TNFSF14: variants seen among roughly 807,000 people sequenced by gnomAD.
TNFSF14 encodes the protein TNF superfamily member 14, also known as tumor necrosis factor ligand superfamily member 14.
A neutral mutation model predicts 22.7 loss-of-function variants in TNFSF14; 15 were observed. That is an observed-to-expected ratio of 0.66 (90% CI 0.44 to 1.02). The LOEUF (loss-of-function observed/expected upper bound fraction) is 1.02. Ranked by LOEUF, TNFSF14 falls within the 50% of genes least tolerant of loss-of-function variation. The pLI is 0.00. For synonymous variants in TNFSF14, 133 were observed against 139.6 expected (o/e 0.95, Z 0.33); for missense variants, 287 against 326.2 (o/e 0.88, Z 0.93).
chr19:6,669,799 C>A, intron 1 of TNFSF14, 52 bp downstream of exon 1: 2 of 1,594,690 alleles, frequency 1.3e-6, no homozygotes. Context: ...CACAATGACA[C>A]AGGGGAGCCC....
At chr19:6,669,478 C>T (rs941738693) in intron 1 of TNFSF14, among the ~76,000 whole-genome samples, 1 of 152,090 alleles carries the variant, frequency 6.6e-6, no homozygotes, top group East Asian at 1.9e-4. Context: ...AGTGAAACTC[C>T]GTCTCAAAAA....
chr19:6,665,457 G>T, intron 3 of TNFSF14, 107 bp from the exon 4 acceptor site: 1 of 1,244,314 alleles, frequency 8.0e-7, no homozygotes, highest in Non-Finnish European at 1.1e-6. Flanking sequence ...GGACCAGGCT[G>T]GAGTGTGGTG....
Position 6,661,507 on chromosome 19 carries a change from G to C in TNFSF14, c.*3419C>G, listed in dbSNP as rs1345502604. 6.6e-6 allele frequency: 1 copy of C among 152,196 alleles called. No individual in the cohort carries two copies. The highest frequency in any genetic ancestry group is 1.5e-5 in the Non-Finnish European group (1 of 68,046). 9.4% of individuals were successfully genotyped at this position (152,196 alleles called of 1,614,324 possible). Reference sequence around the variant, plus strand: ...ACAAGGTGATAGACGCGGGGGCTTTGGGTGCTATCAACCGGACGAATTCCT... The same window carrying C: ...ACAAGGTGATAGACGCGGGGGCTTTCGGTGCTATCAACCGGACGAATTCCT... On this transcript the variant is annotated 3_prime_UTR_variant, in exon 4 of 4. Transcript: ENST00000675206.
chr19:6,667,025 A>G (rs1465328667), intron 3 of TNFSF14, 88 bp downstream of exon 3: 1 of 1,444,500 alleles, frequency 6.9e-7, no homozygotes, highest in Non-Finnish European at 9.6e-7. Context: ...CAATGAATGA[A>G]TGAATACACT....
At chr19:6,667,516 C>T in intron 1 of TNFSF14, 67 bp from the exon 2 acceptor site, 1 of 1,537,400 alleles carries the variant, frequency 6.5e-7, no homozygotes, top group Non-Finnish European at 8.7e-7. Context: ...ATTGCTCACA[C>T]ATGGCTATGA....
At position 6,667,336 on chromosome 19, in the gene TNFSF14, T is replaced by C. The variant is rs944022523; in HGVS notation, c.256+77A>G. On this transcript the variant is annotated intron_variant, in intron 2 of 3. Coordinates refer to ENST00000675206, the MANE Select transcript of TNFSF14 (RefSeq NM_001376887.1). Reference sequence around the variant, plus strand: ...GATTTGGCCAGTTGTGCAAATCATATTGGGCAATTGACCGAGGGGTGGGGG... The same window carrying C: ...GATTTGGCCAGTTGTGCAAATCATACTGGGCAATTGACCGAGGGGTGGGGG... The C allele has an allele frequency of 1.2e-5, 18 of 1,485,074 alleles. No individual in the cohort carries two copies. In the Admixed American group the frequency reaches 1.8e-4, roughly 15 times the overall value. 92.0% of individuals were successfully genotyped at this position (1,485,074 alleles called of 1,614,324 possible).
chr19:6,667,028 AATAC>A, intron 3 of TNFSF14, 81 bp downstream of exon 3: 1 of 1,463,824 alleles, frequency 6.8e-7, no homozygotes, highest in East Asian at 2.5e-5. Flanking sequence ...TGAATGAATG[AATAC>A]ACTGATATGT....
At chr19:6,669,297 A>G (rs1376562491) in intron 1 of TNFSF14, among the ~76,000 whole-genome samples, 1 of 152,126 alleles carries the variant, frequency 6.6e-6, no homozygotes, top group African/African-American at 2.4e-5. Context: ...CAGCCTGACA[A>G]ACATAGAGAA....
rs1240622397 is a variant in TNFSF14, at chr19:6,665,219, A to C, written c.430T>G (p.Tyr144Asp). 6.2e-7 allele frequency: 1 copy of C among 1,613,932 alleles called. No individual in the cohort carries two copies. The highest frequency in any genetic ancestry group is 8.5e-7 in the Non-Finnish European group (1 of 1,180,018). The change falls in exon 4 of 4, where the codon TAC becomes GAC. Residue 144 changes from tyrosine to aspartate, a missense_variant. Tyr to Asp is a radical substitution (Grantham distance 160). Transcript: ENST00000675206. ...ACACCGCCCAGCTGCACCTTGGAGT[A>C]GATGTAGTAGTAGCCAGCTTTGGTG... is the stretch of plus-strand genomic sequence containing the variant. ...VVTKAGYYYI[Y>D]SKVQLGGVGC...
chr19:6,665,220 GAT>G lies in TNFSF14; in HGVS notation c.427_428del (p.Ile143LeufsTer79), dbSNP rs766146690. ...CACCGCCCAGCTGCACCTTGGAGTA[GAT>G]GTAGTAGTAGCCAGCTTTGGTGACC... ...LVVTKAGYYY[I>X]YSKVQLGGVG... On this transcript the variant is annotated frameshift_variant, in exon 4 of 4. Coordinates refer to ENST00000675206, the MANE Select transcript of TNFSF14 (RefSeq NM_001376887.1). LOFTEE classifies it high-confidence loss of function. The G allele has an allele frequency of 6.2e-7, 1 of 1,614,178 alleles. No homozygotes were observed. The highest frequency in any genetic ancestry group is 1.7e-5 in the Admixed American group (1 of 60,030).
At position 6,662,471 on chromosome 19, in the gene TNFSF14, G is replaced by A. The variant is rs1054119407; in HGVS notation, c.*2455C>T. On this transcript the variant is annotated 3_prime_UTR_variant, in exon 4 of 4. Transcript: ENST00000675206. ...GAGGTCATATAGCTGGTGAGTGGCA[G>A]AGTGGACTCAGAACCCAGGATCATC... The A allele has an allele frequency of 2.0e-5, 3 of 152,386 alleles. No homozygotes were observed. The highest frequency in any genetic ancestry group is 2.9e-5 in the Non-Finnish European group (2 of 68,076). The allele number at this position is 152,386 out of a possible 1,614,324, so 9.4% of individuals were successfully genotyped here. A position where few individuals can be genotyped will look rare whatever the true frequency, so the allele number is the denominator to read the frequency against.
chr19:6,666,482 G>A (rs59055410), intron 3 of TNFSF14, among the ~76,000 whole-genome samples: 5 of 151,812 alleles, frequency 3.3e-5, no homozygotes, highest in Non-Finnish European at 7.4e-5. Context: ...GTGTGCCTCA[G>A]TTTCCCTCTC....
At position 6,670,006 on chromosome 19, in the gene TNFSF14, T is replaced by C. The variant is rs201980574; in HGVS notation, c.64A>G (p.Thr22Ala). Residue 22 changes from threonine to alanine, a missense_variant, in exon 1 of 4, where the codon ACG becomes GCG. Physicochemically the swap from Thr to Ala is moderately conservative, Grantham distance 58 (BLOSUM62 0). Transcript: ENST00000675206. Reference sequence around the variant, plus strand: ...CTCCGGTGGCTTCGTCCCAGCCTCGTGAATGGGATGTCGGTCTGTCCATCC... The same window carrying C: ...CTCCGGTGGCTTCGTCCCAGCCTCGCGAATGGGATGTCGGTCTGTCCATCC... ...VVDGQTDIPF[T>A]RLGRSHRRQS... 9.3e-6 allele frequency: 15 copies of C among 1,614,092 alleles called. No homozygotes were observed. The African/African-American group carries it at 1.7e-4, about 19-fold the overall frequency.
In TNFSF14 at chr19:6,669,852, G is replaced by C. The variant is rs151232244; in HGVS notation, c.218C>G (p.Pro73Arg). The stretch of plus-strand genomic sequence containing the variant: ...TCTCAGCCCCCCGGTCCCACTCACA[G>C]GCAGGCGGGTGACCATCTCTCCTAG... ...WRLGEMVTRL[P>R]DGPAGSWEQL... Residue 73 changes from proline (P) to arginine (R), a missense_variant and splice_region_variant, in exon 1 of 4, where the codon CCT (proline) becomes CGT (arginine). By Grantham distance (103) the Pro-to-Arg change is moderately radical. Coordinates refer to ENST00000675206, the MANE Select transcript of TNFSF14 (RefSeq NM_001376887.1). The C allele has an allele frequency of 1.9e-6, 3 of 1,611,042 alleles. No homozygotes were observed. The African/African-American group carries it at 4.0e-5, about 22-fold the overall frequency.
At position 6,664,713 on chromosome 19, in the gene TNFSF14, T is replaced by C. The variant is rs529989855; in HGVS notation, c.*213A>G. 68 of 477,346 alleles carry C rather than the reference T, an allele frequency of 1.4e-4. 1 individual carries two copies. In the South Asian group the frequency reaches 2.5e-3, roughly 18 times the overall value. The allele number at this position is 477,346 out of a possible 1,614,324, so 29.6% of individuals were successfully genotyped here. On this transcript the variant is annotated 3_prime_UTR_variant, in exon 4 of 4. Transcript: ENST00000675206. This position sits in a 1 kb window ranked among gnomAD's most constrained non-coding sequence, Gnocchi z 4.7. ...CACCACCACGTCCGGCTAATTTTTG[T>C]ATTTTTAGTAGAGATGGGGTTTTGC...
intron 1 of TNFSF14, among the ~76,000 whole-genome samples, chr19:6,668,110 C>T (rs1917482052): frequency 6.6e-6 from 1 of 151,928 alleles, no homozygotes; most frequent in African/African-American, 2.4e-5. Flanking sequence ...ACCTGTAATC[C>T]CAGCACTTTG....
At chr19:6,666,468 C>T (rs967564612) in intron 3 of TNFSF14, among the ~76,000 whole-genome samples, 9 of 151,768 alleles carry the variant, frequency 5.9e-5, no homozygotes, top group East Asian at 1.9e-4. Context: ...ACCTCGTACT[C>T]GCTGTGTGCC....
At chr19:6,667,381 C>A (rs1917461890) in intron 2 of TNFSF14, 32 bp downstream of exon 2, 3 of 1,526,494 alleles carry the variant, frequency 2.0e-6, no homozygotes, top group African/African-American at 2.9e-5. Context: ...AATCATCACA[C>A]CTCCTTCCCT....
At chr19:6,665,700 C>T (rs1269923561) in intron 3 of TNFSF14, among the ~76,000 whole-genome samples, 7 of 152,050 alleles carry the variant, frequency 4.6e-5, no homozygotes, top group Non-Finnish European at 7.4e-5. Flanking sequence ...TGAGCCACCA[C>T]GCCCGGCCTC....
Sources: gnomAD v4.1 joint callset for allele counts (sites outside exome capture counted in the v4.1 genomes callset) on GRCh38, gnomAD v4.1.1 for gene constraint, Gnocchi (gnomAD v3.1) non-coding constraint, MANE v1.5 for transcripts, NCBI Gene and HGNC (gene_info 2026-07-23, HGNC 2026-07-21) for gene names.